HS6ST2: variants seen among roughly 807,000 people sequenced by gnomAD.
HS6ST2 encodes the protein heparan-sulfate 6-O-sulfotransferase 2.
Under a neutral mutation model 33.0 loss-of-function variants are expected in HS6ST2, and 17 were observed. The observed-to-expected ratio is 0.52, with a 90% confidence interval of 0.35 to 0.77. HS6ST2 has a LOEUF of 0.77. Among genes scored for constraint, HS6ST2 ranks in the 30% least tolerant of loss-of-function variants. The probability of loss-of-function intolerance (pLI) is 0.01; values close to 1 mark genes in which losing one functional copy is unlikely to be tolerated. For missense variants in HS6ST2, 519 were observed against 551.7 expected (o/e 0.94, Z 0.59); for synonymous variants, 248 against 237.1 (o/e 1.05, Z -0.42).
chrX:132,634,715 G>A (rs1168368712), intron 4 of HS6ST2, among the ~76,000 whole-genome samples: 1 of 112,046 alleles, frequency 8.9e-6, no homozygotes, highest in Non-Finnish European at 1.9e-5. Context: ...CCTTGTTCCA[G>A]TCCTTCCTGG....
At chrX:132,853,122 A>G (rs772081306) in intron 2 of HS6ST2, among the ~76,000 whole-genome samples, 1 of 111,375 alleles carries the variant, frequency 9.0e-6, no homozygotes, top group African/African-American at 3.3e-5. Flanking sequence ...GTTTCCATCT[A>G]TCCCCCCATT....
At chrX:132,893,387 A>T (rs752628645) in intron 2 of HS6ST2, among the ~76,000 whole-genome samples, 18 of 112,256 alleles carry the variant, frequency 1.6e-4, no homozygotes, top group Non-Finnish European at 5.6e-5. Flanking sequence ...GGCTTAGTAA[A>T]CTAAAAATCT....
chrX:132,729,373 G>A (rs2064432734), intron 2 of HS6ST2, among the ~76,000 whole-genome samples: 1 of 112,023 alleles, frequency 8.9e-6, no homozygotes, highest in African/African-American at 3.2e-5. Context: ...GCCATTCATT[G>A]CCCAGCAGGA....
chrX:132,776,612 A>G (rs1448954022), intron 2 of HS6ST2, among the ~76,000 whole-genome samples: 1 of 110,110 alleles, frequency 9.1e-6, no homozygotes, highest in Non-Finnish European at 1.9e-5. Context: ...CATCCTACAC[A>G]CTACTGGCAG....
intron 4 of HS6ST2, among the ~76,000 whole-genome samples, chrX:132,637,783 A>C (rs1293526241): frequency 1.6e-5 from 1 of 61,529 alleles, no homozygotes; most frequent in African/African-American, 7.8e-5. Flanking sequence ...TATATATATA[A>C]TATTTTATAT....
intron 3 of HS6ST2, among the ~76,000 whole-genome samples, chrX:132,672,547 C>T (rs2063892353): frequency 9.0e-6 from 1 of 111,490 alleles, no homozygotes; most frequent in African/African-American, 3.3e-5. Flanking sequence ...CTGCTTTCCT[C>T]TCTCTAGTGC....
At chrX:132,929,221 C>A (rs1256433251) in intron 2 of HS6ST2, among the ~76,000 whole-genome samples, 1 of 110,911 alleles carries the variant, frequency 9.0e-6, no homozygotes, top group Non-Finnish European at 1.9e-5. Context: ...AAAAGCCAAC[C>A]CAGATCATTC....
chrX:132,815,882 T>C (rs993878618), intron 2 of HS6ST2, among the ~76,000 whole-genome samples: 1 of 111,584 alleles, frequency 9.0e-6, no homozygotes, highest in African/African-American at 3.3e-5. Context: ...GCAGGGTTTC[T>C]TTCTAGAGTG....
At chrX:132,853,332 CT>C (rs1224471321) in intron 2 of HS6ST2, among the ~76,000 whole-genome samples, 3 of 80,439 alleles carry the variant, frequency 3.7e-5, no homozygotes, top group African/African-American at 1.4e-4. Flanking sequence ...TTTTTTTTTT[CT>C]TTTTTTTTAG....
rs144308077 is a variant in HS6ST2 at position 132,910,016 on chromosome X, C to G, written c.947+46792G>C. Among the ~76,000 whole-genome samples the G allele has an allele frequency of 4.5e-4, 50 of 111,268 alleles. 1 individual carries two copies. In the East Asian group the frequency reaches 0.014, roughly 30 times the overall value. On this transcript the variant is annotated intron_variant, in intron 2 of 4. Coordinates refer to ENST00000370833, the MANE Select transcript of HS6ST2 (RefSeq NM_001394073.1). ...GACGCCCGCACCCATCCTGCTTAAACTACATTCTTCACTGGACAGAAGATG... is the reference window on the plus strand; with the variant it reads ...GACGCCCGCACCCATCCTGCTTAAAGTACATTCTTCACTGGACAGAAGATG...
At chrX:132,733,794 C>T (rs753701643) in intron 2 of HS6ST2, among the ~76,000 whole-genome samples, 1 of 109,914 alleles carries the variant, frequency 9.1e-6, no homozygotes, top group Admixed American at 9.8e-5. Context: ...GTGTTTTATG[C>T]TATTTTCTCA....
intron 4 of HS6ST2, among the ~76,000 whole-genome samples, chrX:132,637,795 TATA>T (rs1430765941): frequency 5.2e-4 from 24 of 45,952 alleles, no homozygotes; most frequent in African/African-American, 2.3e-3. Context: ...ATTTTATATA[TATA>T]ATATTATATA....
chrX:132,868,242 A>G (rs1445446562), intron 2 of HS6ST2, among the ~76,000 whole-genome samples: 1 of 112,333 alleles, frequency 8.9e-6, no homozygotes, highest in Non-Finnish European at 1.9e-5. Flanking sequence ...AACTATCCTA[A>G]ATATACGTGT....
At chrX:132,945,385 G>C (rs1428305640) in intron 2 of HS6ST2, among the ~76,000 whole-genome samples, 1 of 111,786 alleles carries the variant, frequency 8.9e-6, no homozygotes, top group Non-Finnish European at 1.9e-5. Flanking sequence ...GGAGAAACAG[G>C]AACACTTTTA....
chrX:132,847,817 G>A (rs2065766298), intron 2 of HS6ST2, among the ~76,000 whole-genome samples: 1 of 112,092 alleles, frequency 8.9e-6, no homozygotes, highest in African/African-American at 3.2e-5. Context: ...GGGTGAGACT[G>A]GAATGTGACA....
chrX:132,722,876 TAAAAAAACAAAAAA>T (rs914131534), intron 2 of HS6ST2, among the ~76,000 whole-genome samples: 2 of 33,349 alleles, frequency 6.0e-5, no homozygotes, highest in South Asian at 1.1e-3. Context: ...ATGTTAAAAA[TAAAAAAACAAAAAA>T]AAAAAAACAA....
chrX:132,803,560 C>A (rs1024169875), intron 2 of HS6ST2, among the ~76,000 whole-genome samples: 1 of 111,348 alleles, frequency 9.0e-6, no homozygotes, highest in South Asian at 3.8e-4. Context: ...AGGTGCCCAC[C>A]ACCATTCCTG....
intron 2 of HS6ST2, among the ~76,000 whole-genome samples, chrX:132,856,152 C>A (rs1402457791): frequency 8.9e-6 from 1 of 112,053 alleles, no homozygotes; most frequent in South Asian, 3.7e-4. Context: ...AGTCCCCACC[C>A]TTATCTGTGG....
chrX:132,883,074 G>C (rs1324092581), intron 2 of HS6ST2, among the ~76,000 whole-genome samples: 1 of 79,076 alleles, frequency 1.3e-5, no homozygotes, highest in African/African-American at 5.7e-5. Flanking sequence ...CAGGGATATT[G>C]GTCTAAAATT....
Sources: allele counts gnomAD v4.1 joint callset (sites outside exome capture counted in the v4.1 genomes callset), GRCh38; gene constraint gnomAD v4.1.1; transcripts MANE v1.5; gene names NCBI Gene and HGNC (gene_info 2026-07-23, HGNC 2026-07-21).